LRRTM4: variants seen among roughly 807,000 people sequenced by gnomAD.
LRRTM4 encodes leucine-rich repeat transmembrane neuronal protein 4.
Under a neutral mutation model 47.6 loss-of-function variants are expected in LRRTM4, and 25 were observed. The observed-to-expected ratio is 0.53, with a 90% CI of 0.38 to 0.73. LRRTM4 has a LOEUF of 0.73. LRRTM4 is among the 30% of genes least tolerant of loss of function. The pLI is 0.00. For missense variants in LRRTM4, 638 were observed against 713.4 expected, an observed-to-expected ratio of 0.89 and a Z score of 1.20; for synonymous variants, 311 against 269.5, an observed-to-expected ratio of 1.15 and a Z score of -1.51.
At chr2:76,899,218 GA>G (rs1261251113) in intron 3 of LRRTM4, among the ~76,000 whole-genome samples, 1 of 151,640 alleles carries the variant, frequency 6.6e-6, no homozygotes, top group Non-Finnish European at 1.5e-5. Context: ...TATATATAGA[GA>G]GAGATGCTGG....
At chr2:76,784,467 TTATACA>T (rs1674566896) in intron 3 of LRRTM4, among the ~76,000 whole-genome samples, 1 of 152,010 alleles carries the variant, frequency 6.6e-6, no homozygotes, top group African/African-American at 2.4e-5. Context: ...CATAGATATA[TTATACA>T]TAGATATATG....
At chr2:76,763,205 GT>G (rs1387254087) in intron 3 of LRRTM4, among the ~76,000 whole-genome samples, 1 of 152,126 alleles carries the variant, frequency 6.6e-6, no homozygotes, top group Non-Finnish European at 1.5e-5. Context: ...CATACCCTTT[GT>G]CTAGTTAGTG....
At chr2:77,190,434 A>G (rs540646780) in intron 3 of LRRTM4, among the ~76,000 whole-genome samples, 3 of 152,020 alleles carry the variant, frequency 2.0e-5, no homozygotes, top group African/African-American at 7.2e-5. Flanking sequence ...AGCTGGGATA[A>G]CAGGTGCCTG....
chr2:76,909,824 A>G (rs1271859660), intron 3 of LRRTM4, among the ~76,000 whole-genome samples: 3 of 152,218 alleles, frequency 2.0e-5, no homozygotes, highest in East Asian at 1.9e-4. Context: ...TAGAATGGCA[A>G]TCATTAAAAA....
chr2:77,065,201 G>T (rs1251191387), intron 3 of LRRTM4, among the ~76,000 whole-genome samples: 2 of 151,982 alleles, frequency 1.3e-5, no homozygotes, highest in African/African-American at 4.8e-5. Context: ...TAACTAATTT[G>T]CCTGTTGCTA....
chr2:77,202,660 C>A (rs1318265945), intron 3 of LRRTM4, among the ~76,000 whole-genome samples: 4 of 151,760 alleles, frequency 2.6e-5, no homozygotes, highest in African/African-American at 9.7e-5. Context: ...ACTCACTGTG[C>A]TATACTAGAT....
intron 3 of LRRTM4, among the ~76,000 whole-genome samples, chr2:76,993,554 A>C (rs1677087865): frequency 1.3e-5 from 2 of 152,118 alleles, no homozygotes; most frequent in Middle Eastern, 3.4e-3. Flanking sequence ...AACCACAGTG[A>C]CATATTATCT....
At chr2:77,088,980 G>T (rs1479746514) in intron 3 of LRRTM4, among the ~76,000 whole-genome samples, 1 of 151,824 alleles carries the variant, frequency 6.6e-6, no homozygotes, top group Non-Finnish European at 1.5e-5. Context: ...TTTATCCGTG[G>T]ACCCAAAACT....
chr2:77,022,675 C>T (rs1678315458), intron 3 of LRRTM4, among the ~76,000 whole-genome samples: 1 of 152,124 alleles, frequency 6.6e-6, no homozygotes, highest in South Asian at 2.1e-4. Context: ...ATTAAAGGTC[C>T]AAAATGATCT....
intron 3 of LRRTM4, among the ~76,000 whole-genome samples, chr2:77,404,446 A>T (rs1323215149): frequency 3.9e-5 from 6 of 151,984 alleles, no homozygotes; most frequent in African/African-American, 1.4e-4. Flanking sequence ...TTTAATATTA[A>T]GTCTTTCTCT....
intron 3 of LRRTM4, among the ~76,000 whole-genome samples, chr2:77,336,525 T>A (rs1472506920): frequency 6.6e-6 from 1 of 151,948 alleles, no homozygotes; most frequent in Non-Finnish European, 1.5e-5. Context: ...TCACTACAAT[T>A]AAGGGGGCTT....
rs550605890 is a variant in LRRTM4, at chr2:77,481,398, G to T, written c.1551+36920C>A. Among the ~76,000 whole-genome samples, 4 of 152,262 alleles carry T rather than the reference G, an allele frequency of 2.6e-5. No homozygotes were observed. In the East Asian group the frequency reaches 7.7e-4, roughly 29 times the overall value. ...TAACAATGAATAATACCTGGCTTTAGCAAGGCAATACATTAGTCTCCCCTG... is the reference window on the plus strand; with the variant it reads ...TAACAATGAATAATACCTGGCTTTATCAAGGCAATACATTAGTCTCCCCTG... On this transcript the variant is annotated intron_variant, in intron 3 of 3. Coordinates refer to ENST00000409884, the MANE Select transcript of LRRTM4 (RefSeq NM_001134745.3).
At chr2:77,501,341 T>A (rs1364335409) in intron 3 of LRRTM4, among the ~76,000 whole-genome samples, 6 of 150,712 alleles carry the variant, frequency 4.0e-5, no homozygotes, top group Admixed American at 6.6e-5. Flanking sequence ...TATGAATACA[T>A]AGTCCATACG....
chr2:76,998,376 C>G (rs1443053980), intron 3 of LRRTM4, among the ~76,000 whole-genome samples: 2 of 151,854 alleles, frequency 1.3e-5, no homozygotes, highest in African/African-American at 2.4e-5. Context: ...CATGCAGTAT[C>G]TTCCCAGGGC....
chr2:77,404,760 T>C (rs1674114178), intron 3 of LRRTM4, among the ~76,000 whole-genome samples: 1 of 152,118 alleles, frequency 6.6e-6, no homozygotes, highest in South Asian at 2.1e-4. Context: ...CATAGCCAGA[T>C]TCAGTTAACT....
At position 77,217,039 on chromosome 2, in the gene LRRTM4, C is replaced by T. The variant is rs1674464311; in HGVS notation, c.1551+301279G>A. ...GGTGAGCCGAGATTGCGCCACTGCACTGCAGCCTGGGCGACAGAGTGAGAC... is the reference window on the plus strand; with the variant it reads ...GGTGAGCCGAGATTGCGCCACTGCATTGCAGCCTGGGCGACAGAGTGAGAC... On this transcript the variant is annotated intron_variant, in intron 3 of 3. Coordinates refer to ENST00000409884, the MANE Select transcript of LRRTM4 (RefSeq NM_001134745.3). 1.3e-5 allele frequency among the ~76,000 whole-genome samples: 2 copies of T among 148,160 alleles called. 1 individual carries two copies. Among genetic ancestry groups the T allele is most frequent in the East Asian group, 4.0e-4 (2 of 5,010 alleles).
At chr2:77,151,331 A>C (rs371467222) in intron 3 of LRRTM4, among the ~76,000 whole-genome samples, 2 of 152,142 alleles carry the variant, frequency 1.3e-5, no homozygotes, top group African/African-American at 4.8e-5. Flanking sequence ...ATTCCCCCAC[A>C]ATCTCAATCC....
At chr2:77,178,412 C>A (rs1022324436) in intron 3 of LRRTM4, among the ~76,000 whole-genome samples, 2 of 152,002 alleles carry the variant, frequency 1.3e-5, no homozygotes, top group Non-Finnish European at 2.9e-5. Flanking sequence ...ATGGTGAAAC[C>A]CCGTCTCTAC....
chr2:77,239,317 CAAAAT>C (rs1675196478), intron 3 of LRRTM4, among the ~76,000 whole-genome samples: 2 of 151,588 alleles, frequency 1.3e-5, no homozygotes, highest in Non-Finnish European at 1.5e-5. Flanking sequence ...ATATTGTAGT[CAAAAT>C]GAAATAATAG....
Sources: gnomAD v4.1 joint callset for allele counts (sites outside exome capture counted in the v4.1 genomes callset) on GRCh38, gnomAD v4.1.1 for gene constraint, MANE v1.5 for transcripts, NCBI Gene and HGNC (gene_info 2026-07-23, HGNC 2026-07-21) for gene names.